FOXP4: variants seen among roughly 807,000 people sequenced by gnomAD.
FOXP4 encodes the protein forkhead box protein P4.
A neutral mutation model predicts 82.6 loss-of-function variants in FOXP4; 25 were observed. The observed-to-expected ratio is 0.30, with a 90% CI of 0.22 to 0.42. The LOEUF (loss-of-function observed/expected upper bound fraction) is 0.42, where lower values mean the gene tolerates loss of function less well. Ranked by LOEUF, FOXP4 falls within the 10% of genes least tolerant of loss-of-function variation. FOXP4 has a pLI of 1.00. For missense variants in FOXP4, 785 were observed against 900.9 expected (o/e 0.87, Z 1.65); for synonymous variants, 415 against 388.2 (o/e 1.07, Z -0.81).
At chr6:41,553,837 C>T (rs999369694) in intron 1 of FOXP4, among the ~76,000 whole-genome samples, 2 of 152,180 alleles carry the variant, frequency 1.3e-5, no homozygotes, top group African/African-American at 4.8e-5. Context: ...AAACACAGGG[C>T]AGAGGGCATA....
Position 41,594,980 on chromosome 6 carries a change from A to G in FOXP4, c.1647A>G (p.Pro549=), listed in dbSNP as rs374785363. 2.2e-5 allele frequency: 35 copies of G among 1,614,136 alleles called. No homozygotes were observed. Among genetic ancestry groups the G allele is most frequent in the South Asian group, 5.5e-5 (5 of 91,084 alleles). ...DEREYQKRRP[P]KMTGSPTLVK... is the part of the protein sequence containing the mutation. ...GGGAGTATCAGAAGCGGAGACCGCC[A>G]AAGATGACAGGGTATGTGGGTCCAG... The change falls in exon 14 of 17, where the codon CCA becomes CCG. Residue 549 remains proline (P), a synonymous_variant. Transcript: ENST00000307972.
Position 41,585,430 on chromosome 6 carries a change from G to A in FOXP4, c.424-1G>A, listed in dbSNP as rs1289336476. On this transcript the variant is annotated splice_acceptor_variant, in intron 4 of 16. Transcript: ENST00000307972. LOFTEE classifies it high-confidence loss of function. ...GTGGTAACCCTCCTCCACCCCCCCA[G>A]CTACAGGAGTACTACAAGAAGCAGC... 6.2e-7 allele frequency: 1 copy of A among 1,613,520 alleles called. No individual in the cohort carries two copies. The highest frequency in any genetic ancestry group is 8.5e-7 in the Non-Finnish European group (1 of 1,179,790).
intron 1 of FOXP4, chr6:41,548,350 G>A (rs1238961931): frequency 6.6e-6 from 1 of 152,212 alleles, no homozygotes; most frequent in South Asian, 2.1e-4. Context: ...GAAAGCCCGG[G>A]AGCATTTTGG....
chr6:41,563,470 C>T (rs947611731), intron 1 of FOXP4, among the ~76,000 whole-genome samples: 3 of 152,180 alleles, frequency 2.0e-5, no homozygotes, highest in African/African-American at 4.8e-5. Flanking sequence ...ATCTGTCAGT[C>T]GGGTCAGGGA....
chr6:41,567,283 T>A (rs1042903041), intron 2 of FOXP4, among the ~76,000 whole-genome samples: 5 of 152,210 alleles, frequency 3.3e-5, no homozygotes, highest in Admixed American at 2.6e-4. Context: ...TTTGTTGATG[T>A]GGATGTGAGT....
At position 41,584,947 on chromosome 6, in the gene FOXP4, C is replaced by T; in HGVS notation, c.423+56C>T. 5 of 1,539,622 alleles carry T rather than the reference C, an allele frequency of 3.2e-6. No homozygotes were observed. The South Asian group carries it at 3.7e-5, about 11-fold the overall frequency. On this transcript the variant is annotated intron_variant, in intron 4 of 16. Coordinates refer to ENST00000307972, the MANE Select transcript of FOXP4 (RefSeq NM_001012426.2). ...CCTCCTCTGCCTGGCCTGGCTCCTC[C>T]CACCCTGTTTACACCTCACCAAGGG...
At chr6:41,598,401 G>C (rs1272528045) in intron 16 of FOXP4, among the ~76,000 whole-genome samples, 2 of 151,888 alleles carry the variant, frequency 1.3e-5, no homozygotes, top group Non-Finnish European at 2.9e-5. Flanking sequence ...GTATTTAGTA[G>C]AGAATGGGGT....
intron 3 of FOXP4, among the ~76,000 whole-genome samples, chr6:41,579,783 C>G (rs539720763): frequency 9.2e-5 from 14 of 152,234 alleles, no homozygotes; most frequent in East Asian, 7.7e-4. Flanking sequence ...TTGATTGATT[C>G]ATTCATTCAT....
At chr6:41,586,508 C>T (rs950315327) in intron 5 of FOXP4, among the ~76,000 whole-genome samples, 1 of 152,206 alleles carries the variant, frequency 6.6e-6, no homozygotes, top group African/African-American at 2.4e-5. Flanking sequence ...CCAGTGAGTC[C>T]CGTCAGACTC....
At chr6:41,556,812 G>A (rs1764306245) in intron 1 of FOXP4, among the ~76,000 whole-genome samples, 1 of 152,182 alleles carries the variant, frequency 6.6e-6, no homozygotes, top group African/African-American at 2.4e-5. Context: ...TAAGACAGAA[G>A]TTCTCAATCC....
chr6:41,565,725 T>C lies in FOXP4; in HGVS notation c.-16-20T>C. 3.2e-6 allele frequency: 5 copies of C among 1,561,890 alleles called. No homozygotes were observed. Among genetic ancestry groups the C allele is most frequent in the Non-Finnish European group, 3.5e-6 (4 of 1,148,080 alleles). On this transcript the variant is annotated intron_variant, in intron 1 of 16. Transcript: ENST00000307972. The stretch of plus-strand genomic sequence containing the variant: ...GCCTTCAGCCTCAGCCTCTCCCCTG[T>C]GTCTCTCTTCCTCCTCCAGGTACCG...
intron 2 of FOXP4, among the ~76,000 whole-genome samples, chr6:41,576,097 GA>G (rs1199045056): frequency 6.9e-6 from 1 of 145,444 alleles, no homozygotes; most frequent in Non-Finnish European, 1.5e-5. Flanking sequence ...TTTTGACTTA[GA>G]AAGGTCAGAT....
chr6:41,560,551 A>G (rs537765171), intron 1 of FOXP4, among the ~76,000 whole-genome samples: 1 of 152,316 alleles, frequency 6.6e-6, no homozygotes, highest in African/African-American at 2.4e-5. Context: ...TGCTCCCGGC[A>G]GGACGCGCGC....
intron 2 of FOXP4, among the ~76,000 whole-genome samples, chr6:41,568,914 A>G (rs1257819166): frequency 6.6e-6 from 1 of 152,252 alleles, no homozygotes; most frequent in African/African-American, 2.4e-5. Flanking sequence ...GAACAAGAGC[A>G]GGCACTTGTT....
chr6:41,587,487 A>G lies in FOXP4; in HGVS notation c.847A>G (p.Thr283Ala), dbSNP rs1766215373. The part of the protein sequence containing the change: ...SHHTLPNGQP[T>A]VLTSRRDSSS... The stretch of plus-strand genomic sequence containing the variant: ...CCATACCCTGCCCAACGGACAGCCT[A>G]CTGTGCTCACATCTCGGAGAGACAG... The change falls in exon 7 of 17, where the codon ACT (threonine) becomes GCT (alanine). Residue 283 changes from threonine (T) to alanine (A), a missense_variant. Physicochemically the swap from Thr to Ala is moderately conservative, Grantham distance 58. Transcript: ENST00000307972. 2.0e-6 allele frequency: 3 copies of G among 1,526,902 alleles called. No homozygotes were observed. Among genetic ancestry groups the G allele is most frequent in the African/African-American group, 1.4e-5 (1 of 72,020 alleles). 94.6% of individuals were successfully genotyped at this position (1,526,902 alleles called of 1,614,324 possible). A position where few individuals can be genotyped will look rare whatever the true frequency, so the allele number is the denominator to read the frequency against.
chr6:41,554,193 G>T (rs1000857875), intron 1 of FOXP4, among the ~76,000 whole-genome samples: 2 of 152,206 alleles, frequency 1.3e-5, no homozygotes, highest in Non-Finnish European at 2.9e-5. Context: ...GACTTGCCCC[G>T]AGTCACAGTT....
rs1241093497 is a variant in FOXP4 at position 41,565,887 on chromosome 6, G to T, written c.127G>T (p.Gly43Cys). 2 of 1,613,916 alleles carry T rather than the reference G, an allele frequency of 1.2e-6. No homozygotes were observed. The highest frequency in any genetic ancestry group is 1.7e-6 in the Non-Finnish European group (2 of 1,180,058). Residue 43 changes from glycine (G) to cysteine (C), a missense_variant, in exon 2 of 17, where the codon GGC becomes TGC. Gly to Cys is a radical substitution (Grantham distance 159). Coordinates refer to ENST00000307972, the MANE Select transcript of FOXP4 (RefSeq NM_001012426.2). ...CACAGGGACAACTGCAAGTGGCACGGGCAGGGAAGTGACCACGGGTGCAGA... is the reference window on the plus strand; with the variant it reads ...CACAGGGACAACTGCAAGTGGCACGTGCAGGGAAGTGACCACGGGTGCAGA... ...GATGTTASGTGREVTTGADSN... is the reference protein window; with the variant it reads ...GATGTTASGTCREVTTGADSN...
chr6:41,598,095 C>T lies in FOXP4; in HGVS notation c.1895+145C>T, dbSNP rs1766974888. 6.4e-6 allele frequency: 4 copies of T among 625,246 alleles called. No homozygotes were observed. In the African/African-American group the frequency reaches 7.7e-5, roughly 12 times the overall value. 38.7% of individuals were successfully genotyped at this position (625,246 alleles called of 1,614,324 possible). ...CAAGTGGCTTCTCTCTTCCTTCCCTCAGCCCTCTCAGCCCTCCCTTGTCCC... is the reference window on the plus strand; with the variant it reads ...CAAGTGGCTTCTCTCTTCCTTCCCTTAGCCCTCTCAGCCCTCCCTTGTCCC... On this transcript the variant is annotated intron_variant, in intron 16 of 16. Coordinates refer to ENST00000307972, the MANE Select transcript of FOXP4 (RefSeq NM_001012426.2).
intron 3 of FOXP4, among the ~76,000 whole-genome samples, chr6:41,578,717 C>CG (rs1419772323): frequency 4.4e-5 from 2 of 45,448 alleles, no homozygotes; most frequent in Non-Finnish European, 9.1e-5. Flanking sequence ...GGGGGGTGGG[C>CG]GGGGGGTGGG....
Sources: allele counts gnomAD v4.1 joint callset (sites outside exome capture counted in the v4.1 genomes callset), GRCh38; gene constraint gnomAD v4.1.1; transcripts MANE v1.5; gene names NCBI Gene and HGNC (gene_info 2026-07-23, HGNC 2026-07-21).